The following FGGY variants were observed in gnomAD, a reference collection of about 807,000 sequenced individuals.
FGGY encodes FGGY carbohydrate kinase domain containing.
In FGGY, 72 loss-of-function variants were observed where a neutral mutation model predicts 71.3. The ratio of observed to expected loss-of-function variants is 1.01; its 90% confidence interval spans 0.84 to 1.23. The LOEUF is 1.23. FGGY is among the 50% of genes most tolerant of loss of function. The probability of loss-of-function intolerance (pLI) is 0.00; values close to 1 mark genes in which losing one functional copy is unlikely to be tolerated. For synonymous variants in FGGY, 251 were observed against 250.3 expected (o/e 1.00, Z -0.02); for missense variants, 668 against 682.3 (o/e 0.98, Z 0.23).
At chr1:59,757,841 A>C in intron 14 of FGGY, 90 bp from the exon 15 acceptor site, 2 of 857,516 alleles carry the variant, frequency 2.3e-6, no homozygotes. Context: ...AAAGGGAAGC[A>C]AATTCAAATT....
chr1:59,320,723 T>G (rs895847933), intron 1 of FGGY, among the ~76,000 whole-genome samples: 1 of 152,226 alleles, frequency 6.6e-6, no homozygotes. Flanking sequence ...ATGACAAAGC[T>G]GCAATATATT....
At chr1:59,682,770 T>C (rs1199143846) in intron 14 of FGGY, among the ~76,000 whole-genome samples, 1 of 152,186 alleles carries the variant, frequency 6.6e-6, no homozygotes, top group Non-Finnish European at 1.5e-5. Context: ...CTTGGAGACA[T>C]TCAACTGAGT....
At position 59,345,579 on chromosome 1, in the gene FGGY, C is replaced by G. The variant is rs17540129; in HGVS notation, c.314-668C>G. Reference sequence around the variant, plus strand: ...TTGCCATATCCTTTATGTGCATTATCTTTTGTTTAAAAACTTCCTGAATTA... The same window carrying G: ...TTGCCATATCCTTTATGTGCATTATGTTTTGTTTAAAAACTTCCTGAATTA... On this transcript the variant is annotated intron_variant, in intron 3 of 15. Transcript: ENST00000303721. Among the ~76,000 whole-genome samples, 815 of 152,254 alleles carry G rather than the reference C, an allele frequency of 5.4e-3. 3 individuals carry two copies. Among genetic ancestry groups the G allele is most frequent in the Non-Finnish European group, 8.5e-3 (579 of 68,012 alleles).
chr1:59,369,707 G>A (rs2057253431), intron 4 of FGGY, among the ~76,000 whole-genome samples: 4 of 152,146 alleles, frequency 2.6e-5, no homozygotes, highest in Non-Finnish European at 4.4e-5. Flanking sequence ...ATACTCCTCT[G>A]AGACAAAACT....
At chr1:59,348,228 G>C (rs1427203437) in intron 4 of FGGY, among the ~76,000 whole-genome samples, 1 of 152,182 alleles carries the variant, frequency 6.6e-6, no homozygotes, top group African/African-American at 2.4e-5. Context: ...GAAAGCAGCC[G>C]AGGTGGGATT....
intron 5 of FGGY, among the ~76,000 whole-genome samples, chr1:59,421,359 T>C (rs1468714304): frequency 6.6e-6 from 1 of 152,206 alleles, no homozygotes; most frequent in Non-Finnish European, 1.5e-5. Flanking sequence ...TTTTGAAAGA[T>C]ACCTCCTTTT....
intron 2 of FGGY, among the ~76,000 whole-genome samples, chr1:59,339,533 C>T (rs1398542356): frequency 1.3e-5 from 2 of 151,822 alleles, no homozygotes; most frequent in Non-Finnish European, 2.9e-5. Flanking sequence ...GGCGTGATCT[C>T]GGCTCACTGT....
chr1:59,315,731 C>A (rs923133263), intron 1 of FGGY: 3 of 152,194 alleles, frequency 2.0e-5, no homozygotes, highest in African/African-American at 7.2e-5. Flanking sequence ...CTACGCCAAG[C>A]CACAGGTATG....
At chr1:59,591,473 C>T (rs1464408977) in intron 8 of FGGY, among the ~76,000 whole-genome samples, 4 of 151,442 alleles carry the variant, frequency 2.6e-5, no homozygotes, top group African/African-American at 9.7e-5. Flanking sequence ...AAAGAGCCCG[C>T]ATCGCCAAGT....
intron 5 of FGGY, among the ~76,000 whole-genome samples, chr1:59,411,203 TG>T (rs2063554687): frequency 6.6e-6 from 1 of 152,260 alleles, no homozygotes; most frequent in Non-Finnish European, 1.5e-5. Flanking sequence ...TTTTGGAGTC[TG>T]GTTAGGCATT....
chr1:59,714,783 G>A (rs979667344), intron 14 of FGGY, among the ~76,000 whole-genome samples: 2 of 152,164 alleles, frequency 1.3e-5, no homozygotes, highest in African/African-American at 4.8e-5. Context: ...CAAATAGGTG[G>A]AGAGTTTTGA....
At position 59,607,809 on chromosome 1, in the gene FGGY, A is replaced by C. The variant is rs769615107; in HGVS notation, c.910A>C (p.Lys304Gln). 12 of 1,613,624 alleles carry C rather than the reference A, an allele frequency of 7.4e-6. No homozygotes were observed. Among genetic ancestry groups the C allele is most frequent in the Non-Finnish European group, 1.0e-5 (12 of 1,179,748 alleles). The change falls in exon 9 of 16, where the codon AAA becomes CAA. Residue 304 changes from lysine to glutamine, a missense_variant. Lys to Gln is a moderately conservative substitution (Grantham distance 53). Coordinates refer to ENST00000303721, the MANE Select transcript of FGGY (RefSeq NM_018291.5). ...TTTCCATCTTTCTTTCCAGATCAGCAAAGACCCGATTTTTGTACCAGGCGT... is the reference window on the plus strand; with the variant it reads ...TTTCCATCTTTCTTTCCAGATCAGCCAAGACCCGATTTTTGTACCAGGCGT... ...GTSSCHMGIS[K>Q]DPIFVPGVWG... is the part of the protein sequence containing the mutation.
At chr1:59,741,347 C>G (rs575410772) in intron 14 of FGGY, among the ~76,000 whole-genome samples, 2 of 152,252 alleles carry the variant, frequency 1.3e-5, no homozygotes, top group East Asian at 3.9e-4. Flanking sequence ...CTCAGGAGAT[C>G]TGGTTGTTTA....
chr1:59,523,127 A>G (rs1329050078), intron 7 of FGGY, among the ~76,000 whole-genome samples: 1 of 152,238 alleles, frequency 6.6e-6, no homozygotes, highest in Non-Finnish European at 1.5e-5. Flanking sequence ...GACACTGCCA[A>G]GCACCTGTTA....
chr1:59,391,343 G>A (rs193097946), intron 5 of FGGY, among the ~76,000 whole-genome samples: 1 of 152,306 alleles, frequency 6.6e-6, no homozygotes, highest in African/African-American at 2.4e-5. Flanking sequence ...AGTCGGGCTG[G>A]AGGCAGTGGG....
intron 8 of FGGY, among the ~76,000 whole-genome samples, chr1:59,555,772 G>C (rs1292004503): frequency 6.6e-6 from 1 of 152,154 alleles, no homozygotes; most frequent in Non-Finnish European, 1.5e-5. Flanking sequence ...GGCCGAGGTG[G>C]GTGGATCACC....
intron 14 of FGGY, among the ~76,000 whole-genome samples, chr1:59,718,180 A>G: frequency 6.6e-6 from 1 of 152,224 alleles, no homozygotes; most frequent in East Asian, 1.9e-4. Context: ...ACAACTAAAC[A>G]AACTGTTACG....
intron 4 of FGGY, among the ~76,000 whole-genome samples, chr1:59,368,519 C>T (rs1168105511): frequency 2.6e-5 from 4 of 152,192 alleles, no homozygotes; most frequent in Non-Finnish European, 5.9e-5. Context: ...TACCTACACG[C>T]CTCTGCATCA....
intron 4 of FGGY, among the ~76,000 whole-genome samples, chr1:59,356,583 A>C (rs2054357410): frequency 6.6e-6 from 1 of 152,224 alleles, no homozygotes; most frequent in African/African-American, 2.4e-5. Context: ...TTAAATTCTA[A>C]CATTAATAAC....
Sources: gnomAD v4.1 joint callset for allele counts (sites outside exome capture counted in the v4.1 genomes callset) on GRCh38, gnomAD v4.1.1 for gene constraint, MANE v1.5 for transcripts, NCBI Gene and HGNC (gene_info 2026-07-23, HGNC 2026-07-21) for gene names.